ZFHX3: variants seen among roughly 807,000 people sequenced by gnomAD.
The protein encoded by ZFHX3 is zinc finger homeobox 3.
A neutral mutation model predicts 279.1 loss-of-function variants in ZFHX3; 42 were observed. That is an observed-to-expected ratio of 0.15 (90% CI 0.12 to 0.19). The LOEUF (loss-of-function observed/expected upper bound fraction) is 0.19, where lower values mean the gene tolerates loss of function less well. Among genes scored for constraint, ZFHX3 ranks in the 10% least tolerant of loss-of-function variants. The pLI, the probability that ZFHX3 is intolerant of heterozygous loss-of-function variation, is 1.00. For synonymous variants in ZFHX3, 2,293 were observed against 1,957.8 expected (o/e 1.17, Z -4.52); for missense variants, 4,981 against 4,754.0 (o/e 1.05, Z -1.40).
intron 2 of ZFHX3, among the ~76,000 whole-genome samples, chr16:73,555,448 C>T (rs1335297918): frequency 6.6e-6 from 1 of 151,992 alleles, no homozygotes; most frequent in Non-Finnish European, 1.5e-5. Flanking sequence ...GCCACCGCGC[C>T]CGGCCGCCAT....
chr16:73,552,629 T>C (rs1239429683), intron 2 of ZFHX3, among the ~76,000 whole-genome samples: 3 of 152,066 alleles, frequency 2.0e-5, no homozygotes, highest in Non-Finnish European at 4.4e-5. Flanking sequence ...AACCACAAAA[T>C]CTTAGATATT....
At chr16:73,062,024 T>C (rs1411048256), upstream of ZFHX3, 1 of 152,114 alleles carries the variant, frequency 6.6e-6, no homozygotes, top group African/African-American at 2.4e-5. Flanking sequence ...GCTTGTATGA[T>C]TGAATAATGC....
At chr16:73,102,761 A>G (rs1966248079) in intron 7 of ZFHX3, among the ~76,000 whole-genome samples, 1 of 152,194 alleles carries the variant, frequency 6.6e-6, no homozygotes, top group Admixed American at 6.5e-5. Context: ...TCTAAGCCTC[A>G]GTTTCATCTT....
intron 1 of ZFHX3, among the ~76,000 whole-genome samples, chr16:73,693,137 C>A (rs1300542499): frequency 6.6e-6 from 1 of 152,170 alleles, no homozygotes; most frequent in Non-Finnish European, 1.5e-5. Flanking sequence ...AGGACTTATA[C>A]AAGGACAGAG....
intron 1 of ZFHX3, among the ~76,000 whole-genome samples, chr16:73,714,430 A>G (rs1440483056): frequency 1.3e-5 from 2 of 152,076 alleles, no homozygotes; most frequent in Non-Finnish European, 2.9e-5. Flanking sequence ...CTTTCTCTAC[A>G]GAGACTGGCT....
At chr16:73,514,957 G>A (rs2019494688) in intron 2 of ZFHX3, among the ~76,000 whole-genome samples, 1 of 152,078 alleles carries the variant, frequency 6.6e-6, no homozygotes, top group African/African-American at 2.4e-5. Context: ...GCTGCCCTTA[G>A]CCATTTTTAC....
At chr16:73,801,721 T>C (rs1373519046) in intron 1 of ZFHX3, among the ~76,000 whole-genome samples, 1 of 152,334 alleles carries the variant, frequency 6.6e-6, no homozygotes, top group Admixed American at 6.5e-5. Flanking sequence ...CCCACTGATA[T>C]GGTGATACAT....
chr16:73,387,276 C>G (rs1356450876), intron 3 of ZFHX3: 2 of 152,170 alleles, frequency 1.3e-5, no homozygotes, highest in African/African-American at 4.8e-5. Context: ...CTTCTCATCT[C>G]CCATTGTGGA....
intron 5 of ZFHX3, among the ~76,000 whole-genome samples, chr16:72,824,158 T>C (rs898403040): frequency 2.7e-4 from 41 of 152,176 alleles, no homozygotes; most frequent in African/African-American, 9.2e-4. Context: ...AGCAGGTCTG[T>C]AGGAATTATT....
At chr16:73,748,812 A>G (rs1373216088) in intron 1 of ZFHX3, among the ~76,000 whole-genome samples, 1 of 152,098 alleles carries the variant, frequency 6.6e-6, no homozygotes, top group East Asian at 1.9e-4. Flanking sequence ...TTTGAGACAG[A>G]GTTTTGCTCT....
At chr16:73,466,279 C>G (rs368101491) in intron 2 of ZFHX3, among the ~76,000 whole-genome samples, 1 of 152,068 alleles carries the variant, frequency 6.6e-6, no homozygotes, top group African/African-American at 2.4e-5. Context: ...CCCAGGAGTT[C>G]GGTACCAGCC....
At chr16:72,962,526 G>A (rs1268358272) in intron 1 of ZFHX3, among the ~76,000 whole-genome samples, 6 of 152,200 alleles carry the variant, frequency 3.9e-5, no homozygotes, top group African/African-American at 1.4e-4. Context: ...GGAACCCACT[G>A]CAGGACCCAA....
intron 3 of ZFHX3, among the ~76,000 whole-genome samples, chr16:73,453,049 C>T (rs2018305536): frequency 6.6e-6 from 1 of 150,750 alleles, no homozygotes; most frequent in Admixed American, 6.6e-5. Flanking sequence ...CCCACCCACC[C>T]ATCCATCCAC....
chr16:73,674,623 C>T (rs1231035599), intron 2 of ZFHX3, among the ~76,000 whole-genome samples: 1 of 152,128 alleles, frequency 6.6e-6, no homozygotes, highest in African/African-American at 2.4e-5. Context: ...ACAGTTTCTC[C>T]AATTAAGACC....
At chr16:73,774,381 G>GGA (rs2054053425) in intron 1 of ZFHX3, among the ~76,000 whole-genome samples, 1 of 152,116 alleles carries the variant, frequency 6.6e-6, no homozygotes, top group South Asian at 2.1e-4. Flanking sequence ...GACCACCATT[G>GGA]CTGCCTTCAC....
intron 1 of ZFHX3, among the ~76,000 whole-genome samples, chr16:73,816,500 C>G (rs916802696): frequency 8.5e-5 from 13 of 152,156 alleles, no homozygotes; most frequent in African/African-American, 2.9e-4. Context: ...TTTCACTTTG[C>G]AATGGCAGAA....
chr16:73,261,668 G>GTTTTTTTTTTTTTTTTTTTTTTTTTTTTT (rs1187489542), intron 4 of ZFHX3, among the ~76,000 whole-genome samples: 1 of 80,716 alleles, frequency 1.2e-5, no homozygotes, highest in Non-Finnish European at 2.3e-5. Context: ...TCCTGTGATT[G>GTTTTTTTTTTTTTTTTTTTTTTTTTTTTT]TTTTTTTTTT....
At chr16:73,590,137 G>A (rs1005662335) in intron 2 of ZFHX3, among the ~76,000 whole-genome samples, 7 of 152,180 alleles carry the variant, frequency 4.6e-5, no homozygotes, top group South Asian at 2.1e-4. Context: ...ACGTAGAGGT[G>A]ACGTAGGTGA....
intron 2 of ZFHX3, among the ~76,000 whole-genome samples, chr16:73,622,667 T>G (rs2052375045): frequency 6.6e-6 from 1 of 152,192 alleles, no homozygotes; most frequent in South Asian, 2.1e-4. Flanking sequence ...TTTGGACACT[T>G]AGGTCCCTCT....
Sources: allele counts gnomAD v4.1 joint callset (sites outside exome capture counted in the v4.1 genomes callset), GRCh38; gene constraint gnomAD v4.1.1; transcripts MANE v1.5; gene names NCBI Gene and HGNC (gene_info 2026-07-23, HGNC 2026-07-21).